MYO1H: variants seen among roughly 807,000 people sequenced by gnomAD.
The protein encoded by MYO1H is myosin IH.
Under a neutral mutation model 149.3 loss-of-function variants are expected in MYO1H, and 118 were observed. The observed-to-expected ratio is 0.79, with a 90% CI of 0.68 to 0.92. MYO1H has a LOEUF of 0.92. Ranked by LOEUF, MYO1H falls within the 40% of genes least tolerant of loss-of-function variation. The probability of loss-of-function intolerance (pLI) is 0.00; values close to 1 mark genes in which losing one functional copy is unlikely to be tolerated. For missense variants in MYO1H, 1,212 were observed against 1,280.7 expected (o/e 0.95, Z 0.82); for synonymous variants, 447 against 465.2 (o/e 0.96, Z 0.50).
chr12:109,406,884 T>A, intron 9 of MYO1H, 24 bp downstream of exon 9: 1 of 1,606,518 alleles, frequency 6.2e-7, no homozygotes, highest in Non-Finnish European at 8.5e-7. Flanking sequence ...TAGGTGGAAA[T>A]GTGCCAGCCC....
chr12:109,438,650 G>A (rs1219065263), intron 23 of MYO1H, 30 bp downstream of exon 23: 1 of 1,534,916 alleles, frequency 6.5e-7, no homozygotes, highest in Non-Finnish European at 9.0e-7. Flanking sequence ...AGAGAGGACA[G>A]GTCACTAAAT....
At chr12:109,349,765 C>T (rs1368816103) in intron 1 of MYO1H, among the ~76,000 whole-genome samples, 1 of 151,184 alleles carries the variant, frequency 6.6e-6, no homozygotes, top group East Asian at 1.9e-4. Flanking sequence ...TCGAGACCAT[C>T]CTGGCTAACA....
chr12:109,406,323 G>A (rs1870382739), intron 8 of MYO1H, among the ~76,000 whole-genome samples: 1 of 152,014 alleles, frequency 6.6e-6, no homozygotes, highest in African/African-American at 2.4e-5. Context: ...TGAGTAGGCC[G>A]GGCGCAATGG....
chr12:109,371,473 C>T (rs1248358963), intron 1 of MYO1H, among the ~76,000 whole-genome samples: 1 of 152,138 alleles, frequency 6.6e-6, no homozygotes, highest in Non-Finnish European at 1.5e-5. Flanking sequence ...CTGCCTACGC[C>T]TTCCAAAGCT....
chr12:109,362,236 G>A (rs1868769715), intron 1 of MYO1H, among the ~76,000 whole-genome samples: 2 of 152,198 alleles, frequency 1.3e-5, no homozygotes, highest in African/African-American at 4.8e-5. Context: ...TTTATTGAGA[G>A]AAGGCAGGAC....
chr12:109,428,861 A>G (rs1291257950), intron 19 of MYO1H, among the ~76,000 whole-genome samples: 1 of 151,938 alleles, frequency 6.6e-6, no homozygotes, highest in Admixed American at 6.6e-5. Context: ...TGAACTTCAT[A>G]CATCTCTTGT....
chr12:109,378,265 A>G (rs56174574), intron 1 of MYO1H, among the ~76,000 whole-genome samples: 1,902 of 152,150 alleles, frequency 0.013, 20 homozygotes, highest in Middle Eastern at 0.027. Flanking sequence ...AGGAGCTACC[A>G]GAATGTTTTC....
rs758886894 is a variant in MYO1H at position 109,439,621 on chromosome 12, T to G, written c.2295-10T>G. The G allele has an allele frequency of 1.1e-5, 18 of 1,603,758 alleles. No homozygotes were observed. The South Asian group carries it at 2.0e-4, about 18-fold the overall frequency. ...GGTCCAGAAAAGTAAGAAAACATTTTCCTTTTTAGGTTCATTAAAGGATTC... is the reference window on the plus strand; with the variant it reads ...GGTCCAGAAAAGTAAGAAAACATTTGCCTTTTTAGGTTCATTAAAGGATTC... On this transcript the variant is annotated splice_polypyrimidine_tract_variant and intron_variant, in intron 23 of 31. Coordinates refer to ENST00000310903, the Ensembl canonical transcript of MYO1H.
At chr12:109,386,199 T>A (rs1869302973) in intron 1 of MYO1H, among the ~76,000 whole-genome samples, 4 of 152,228 alleles carry the variant, frequency 2.6e-5, no homozygotes, top group Admixed American at 2.6e-4. Flanking sequence ...GTTATTTCTC[T>A]TTTATTGCTG....
intron 1 of MYO1H, among the ~76,000 whole-genome samples, chr12:109,376,343 A>G (rs7312820): frequency 0.055 from 8,351 of 152,286 alleles, 748 homozygotes; most frequent in African/African-American, 0.19. Context: ...GAAGTCATAT[A>G]GTAGTTGTCC....
chr12:109,335,575 AAAC>A, the MYO1H span, among the ~76,000 whole-genome samples: 69 of 129,980 alleles, frequency 5.3e-4, no homozygotes, highest in Non-Finnish European at 1.0e-3. Context: ...AAAAACAAAC[AAAC>A]AAAAAAAAAA....
At position 109,436,537 on chromosome 12, in the gene MYO1H, C is replaced by T. The variant is rs372449511; in HGVS notation, c.2190C>T (p.Tyr730=). The T allele has an allele frequency of 4.0e-4, 649 of 1,608,296 alleles. 4 individuals are homozygous for T. Among genetic ancestry groups the T allele is most frequent in the African/African-American group, 2.7e-4 (20 of 74,830 alleles). The change falls in exon 22 of 32, where the codon TAC becomes TAT. Residue 730 remains tyrosine, a synonymous_variant. Transcript: ENST00000310903. ...AACGCTGCCTAGGAAGGAGAGAATA[C>T]GTGAAAAAAAGACAAGCAGGTAAGA...
At chr12:109,410,113 C>T (rs561512172) in intron 12 of MYO1H, 45 bp downstream of exon 12, 1 of 925,838 alleles carries the variant, frequency 1.1e-6, no homozygotes, top group Non-Finnish European at 1.5e-6. Context: ...CTTCATCTAG[C>T]TAAAGACTTC....
chr12:109,339,528 A>G, the MYO1H span, among the ~76,000 whole-genome samples: 3 of 152,236 alleles, frequency 2.0e-5, no homozygotes, highest in Non-Finnish European at 4.4e-5. Flanking sequence ...CAAATTGAAA[A>G]CAAATTTTGA....
chr12:109,327,125 TTTCTTTTTC>T, the MYO1H span, among the ~76,000 whole-genome samples: 5 of 131,784 alleles, frequency 3.8e-5, no homozygotes, highest in South Asian at 2.3e-4. Context: ...TCTTTTTCTT[TTTCTTTTTC>T]TTTTTTTTTT....
chr12:109,372,245 T>C lies in MYO1H; in HGVS notation c.13-16438T>C, dbSNP rs373333966. 3.3e-5 allele frequency among the ~76,000 whole-genome samples: 5 copies of C among 152,248 alleles called. No homozygotes were observed. In the East Asian group the frequency reaches 9.6e-4, roughly 29 times the overall value. ...TCATTCATATTTTCTTGTACTTTCCTTTCATTATTTTATTTTTTAGTGTTT... is the reference window on the plus strand; with the variant it reads ...TCATTCATATTTTCTTGTACTTTCCCTTCATTATTTTATTTTTTAGTGTTT... On this transcript the variant is annotated intron_variant, in intron 1 of 31. Transcript: ENST00000310903.
intron 5 of MYO1H, among the ~76,000 whole-genome samples, chr12:109,398,326 G>A (rs1870006990): frequency 6.6e-6 from 1 of 152,192 alleles, no homozygotes; most frequent in Non-Finnish European, 1.5e-5. Flanking sequence ...ACTACACTGT[G>A]GTGTGTTCAC....
In MYO1H at chr12:109,409,551, G is replaced by T; in HGVS notation, c.1156-6G>T. ...AACTATGAATGGGGTGTGTTATTTT[G>T]ACCAGGATTTCACCAGGAAAACTGT... On this transcript the variant is annotated splice_polypyrimidine_tract_variant and splice_region_variant and intron_variant, in intron 10 of 31. Transcript: ENST00000310903. The T allele has an allele frequency of 6.2e-7, 1 of 1,613,244 alleles. No individual in the cohort carries two copies. Among genetic ancestry groups the T allele is most frequent in the South Asian group, 1.1e-5 (1 of 91,036 alleles).
rs556074553 is a variant in MYO1H at position 109,424,122 on chromosome 12, G to A, written c.1645-626G>A. Among the ~76,000 whole-genome samples the A allele has an allele frequency of 3.5e-4, 53 of 152,162 alleles. No individual in the cohort carries two copies. In the South Asian group the frequency reaches 9.6e-3, roughly 27 times the overall value. On this transcript the variant is annotated intron_variant, in intron 16 of 31. Transcript: ENST00000310903. ...TAGCACACTGTATGTGTGGTTTTGC[G>A]TCTTGCTTTTTTCACTTAACACCAT...
Sources: gnomAD v4.1 joint callset for allele counts (sites outside exome capture counted in the v4.1 genomes callset) on GRCh38, gnomAD v4.1.1 for gene constraint, MANE v1.5 for transcripts, NCBI Gene and HGNC (gene_info 2026-07-23, HGNC 2026-07-21) for gene names.